SOX4: variants seen among roughly 807,000 people sequenced by gnomAD.
The protein encoded by SOX4 is SRY-box transcription factor 4.
For synonymous variants in SOX4, 465 were observed against 348.4 expected (o/e 1.33, Z -3.73); for missense variants, 662 against 694.9 (o/e 0.95, Z 0.53).
rs917458855 is a variant in SOX4 at position 21,598,611 on chromosome 6, A to T, written c.*2652A>T. On this transcript the variant is annotated 3_prime_UTR_variant, in exon 1 of 1. Transcript: ENST00000244745. ...AAGGAAATAAAATCAGCTGGAACTG[A>T]ACCCTAAATCTTGACTTTTGTCGTT... 3.0e-5 allele frequency: 5 copies of T among 166,590 alleles called. No individual in the cohort carries two copies. Among genetic ancestry groups the T allele is most frequent in the Non-Finnish European group, 5.9e-5 (4 of 68,114 alleles). 10.3% of individuals were successfully genotyped at this position (166,590 alleles called of 1,614,324 possible). A position where few individuals can be genotyped will look rare whatever the true frequency, so the allele number is the denominator to read the frequency against.
Position 21,595,278 on chromosome 6 carries a change from G to C in SOX4, c.744G>C (p.Leu248=), listed in dbSNP as rs750549025. Residue 248 remains leucine (L), a synonymous_variant, in exon 1 of 1, where the codon CTG becomes CTC. Transcript: ENST00000244745. ...AACAGGCGGGGGCCGCCGCCCTGCTGCCCCTGGGCGCCGCCGCCGACCACC... is the reference window on the plus strand; with the variant it reads ...AACAGGCGGGGGCCGCCGCCCTGCTCCCCCTGGGCGCCGCCGCCGACCACC... ...AAEQAGAAAL[L]PLGAAADHHS... 120 of 1,397,096 alleles carry C rather than the reference G, an allele frequency of 8.6e-5. No homozygotes were observed. Among genetic ancestry groups the C allele is most frequent in the South Asian group, 2.2e-4 (15 of 67,078 alleles). The allele number at this position is 1,397,096 out of a possible 1,614,324, so 86.5% of individuals were successfully genotyped here. A position where few individuals can be genotyped will look rare whatever the true frequency, so the allele number is the denominator to read the frequency against.
rs777317963 is a variant in SOX4 at position 21,594,549 on chromosome 6, C to G, written c.15C>G (p.Thr5=). 192 of 1,601,906 alleles carry G rather than the reference C, an allele frequency of 1.2e-4. No individual in the cohort carries two copies. The highest frequency in any genetic ancestry group is 1.5e-4 in the Non-Finnish European group (177 of 1,176,712). Residue 5 remains threonine (T), a synonymous_variant, in exon 1 of 1, where the codon ACC becomes ACG. Coordinates refer to ENST00000244745, the MANE Select transcript of SOX4 (RefSeq NM_003107.3). The part of the protein sequence containing the change: MVQQ[T]NNAENTEALL... Reference sequence around the variant, plus strand: ...GAGCCGAGGCCATGGTGCAGCAAACCAACAATGCCGAGAACACGGAAGCGC... The same window carrying G: ...GAGCCGAGGCCATGGTGCAGCAAACGAACAATGCCGAGAACACGGAAGCGC...
chr6:21,596,081 T>TA lies in SOX4; in HGVS notation c.*124dup. The TA allele has an allele frequency of 7.4e-7, 1 of 1,355,240 alleles. No individual in the cohort carries two copies. The highest frequency in any genetic ancestry group is 1.5e-5 in the African/African-American group (1 of 65,158). The allele number at this position is 1,355,240 out of a possible 1,614,324, so 84.0% of individuals were successfully genotyped here. ...GAAAAGGGAAAAAAGAAAGAAAAAG[T>TA]AAGCAGGGCTGGCTTCGCCCGCGTT... is the stretch of plus-strand genomic sequence containing the variant. On this transcript the variant is annotated 3_prime_UTR_variant, in exon 1 of 1. Coordinates refer to ENST00000244745, the MANE Select transcript of SOX4 (RefSeq NM_003107.3).
At position 21,596,157 on chromosome 6, in the gene SOX4, C is replaced by T; in HGVS notation, c.*198C>T. 2.4e-6 allele frequency: 2 copies of T among 840,054 alleles called. No homozygotes were observed. Among genetic ancestry groups the T allele is most frequent in the Non-Finnish European group, 3.4e-6 (2 of 592,600 alleles). 52.0% of individuals were successfully genotyped at this position (840,054 alleles called of 1,614,324 possible). On this transcript the variant is annotated 3_prime_UTR_variant, in exon 1 of 1. Coordinates refer to ENST00000244745, the MANE Select transcript of SOX4 (RefSeq NM_003107.3). ...CGGCGTTTTGGACCCGCGCTCCCAT[C>T]CCCCACCTTCCCGGGCCGGGGACCC... is the stretch of plus-strand genomic sequence containing the variant.
chr6:21,595,006 G>A lies in SOX4; in HGVS notation c.472G>A (p.Val158Ile), dbSNP rs757472842. Residue 158 changes from valine (V) to isoleucine (I), a missense_variant, in exon 1 of 1, where the codon GTC becomes ATC. Transcript: ENST00000244745. ...SSKPGEKGDK[V>I]GGSGGGGHGG... ...CAAGCCGGGGGAGAAGGGAGACAAG[G>A]TCGGTGGCAGTGGCGGGGGCGGCCA... 3.3e-6 allele frequency: 5 copies of A among 1,529,808 alleles called. No homozygotes were observed. The highest frequency in any genetic ancestry group is 4.4e-6 in the Non-Finnish European group (5 of 1,140,260). 94.8% of individuals were successfully genotyped at this position (1,529,808 alleles called of 1,614,324 possible).
At position 21,598,061 on chromosome 6, in the gene SOX4, C is replaced by CTT. The variant is rs898053220; in HGVS notation, c.*2108_*2109dup. ...ACTTGTAAACCACATCTTTTTTGCA[C>CTT]TTTTTTTATAAGCAAAAACGTGCCG... is the stretch of plus-strand genomic sequence containing the variant. On this transcript the variant is annotated 3_prime_UTR_variant, in exon 1 of 1. Transcript: ENST00000244745. 6.0e-6 allele frequency: 1 copy of CTT among 167,040 alleles called. No individual in the cohort carries two copies. The highest frequency in any genetic ancestry group is 2.4e-5 in the African/African-American group (1 of 41,454). 10.3% of individuals were successfully genotyped at this position (167,040 alleles called of 1,614,324 possible). A position where few individuals can be genotyped will look rare whatever the true frequency, so the allele number is the denominator to read the frequency against.
At position 21,597,066 on chromosome 6, in the gene SOX4, T is replaced by C. The variant is rs966103446; in HGVS notation, c.*1107T>C. On this transcript the variant is annotated 3_prime_UTR_variant, in exon 1 of 1. Coordinates refer to ENST00000244745, the MANE Select transcript of SOX4 (RefSeq NM_003107.3). The stretch of plus-strand genomic sequence containing the variant: ...GATTATTTCAATGGTGGGGTTAATA[T>C]AGCATGTTATCCTGTCTATCTTTTA... 3 of 166,904 alleles carry C rather than the reference T, an allele frequency of 1.8e-5. No homozygotes were observed. Among genetic ancestry groups the C allele is most frequent in the Non-Finnish European group, 4.4e-5 (3 of 68,110 alleles). The allele number at this position is 166,904 out of a possible 1,614,324, so 10.3% of individuals were successfully genotyped here.
chr6:21,595,791 G>A lies in SOX4; in HGVS notation c.1257G>A (p.Leu419=). The A allele has an allele frequency of 6.2e-7, 1 of 1,613,574 alleles. No individual in the cohort carries two copies. The highest frequency in any genetic ancestry group is 2.2e-5 in the East Asian group (1 of 44,850). Residue 419 remains leucine, a synonymous_variant, in exon 1 of 1, where the codon CTG becomes CTA. Transcript: ENST00000244745. The part of the protein sequence containing the change: ...NPSSNFESMS[L]GSFSSSSALD... ...GCTCAAACTTTGAGAGCATGTCCCTGGGCAGCTTCAGTTCGTCGTCGGCGC... is the reference window on the plus strand; with the variant it reads ...GCTCAAACTTTGAGAGCATGTCCCTAGGCAGCTTCAGTTCGTCGTCGGCGC...
In SOX4 at chr6:21,594,457, G is replaced by A. The variant is rs541346709; in HGVS notation, c.-78G>A. 610 of 1,344,362 alleles carry A rather than the reference G, an allele frequency of 4.5e-4. 2 individuals carry two copies. The African/African-American group carries it at 8.1e-3, about 18-fold the overall frequency. 83.3% of individuals were successfully genotyped at this position (1,344,362 alleles called of 1,614,324 possible). ...CCGTTCGGCGTGTGCTTGGCCCGGGGAACCGGGAGGGCCCGGCGATCGCGC... is the reference window on the plus strand; with the variant it reads ...CCGTTCGGCGTGTGCTTGGCCCGGGAAACCGGGAGGGCCCGGCGATCGCGC... On this transcript the variant is annotated 5_prime_UTR_variant, in exon 1 of 1. Transcript: ENST00000244745.
Position 21,595,381 on chromosome 6 carries a change from G to A in SOX4, c.847G>A (p.Ala283Thr). The A allele has an allele frequency of 6.5e-7, 1 of 1,537,192 alleles. No homozygotes were observed. Among genetic ancestry groups the A allele is most frequent in the African/African-American group, 1.4e-5 (1 of 70,104 alleles). The change falls in exon 1 of 1, where the codon GCC becomes ACC. Residue 283 changes from alanine (A) to threonine (T), a missense_variant. By Grantham distance (58) the Ala-to-Thr change is moderately conservative (BLOSUM62 0). Transcript: ENST00000244745. Reference protein sequence around the residue: ...SAASASAALAAPGKHLAEKKV... With the variant: ...SAASASAALATPGKHLAEKKV... The stretch of plus-strand genomic sequence containing the variant: ...AGCCTCGGCCTCCGCAGCGCTCGCG[G>A]CCCCGGGCAAGCACCTGGCGGAGAA...
At position 21,595,464 on chromosome 6, in the gene SOX4, C is replaced by CGGCGTG. The variant is rs2113558247; in HGVS notation, c.935_940dup (p.Val312_Gly313dup). On this transcript the variant is annotated inframe_insertion, in exon 1 of 1. Coordinates refer to ENST00000244745, the MANE Select transcript of SOX4 (RefSeq NM_003107.3). Reference sequence around the variant, plus strand: ...TGGGCACGTCGTCGTCGCCCGTGGGCGGCGTGGGCGCGGGAGCCGACCCCA... The same window carrying CGGCGTG: ...TGGGCACGTCGTCGTCGCCCGTGGGCGGCGTGGGCGTGGGCGCGGGAGCCGACCCCA... 2.0e-6 allele frequency: 3 copies of CGGCGTG among 1,464,690 alleles called. No individual in the cohort carries two copies. The East Asian group carries it at 8.4e-5, about 41-fold the overall frequency. 90.7% of individuals were successfully genotyped at this position (1,464,690 alleles called of 1,614,324 possible).
rs1356643845 is a variant in SOX4 at position 21,597,527 on chromosome 6, T to C, written c.*1568T>C. The stretch of plus-strand genomic sequence containing the variant: ...CCTTTTTTTCTTTTTTTTTTCTTTT[T>C]TTTTTTTTTTTTTTGGTAGTTGTTG... On this transcript the variant is annotated 3_prime_UTR_variant, in exon 1 of 1. Transcript: ENST00000244745. 5 of 101,414 alleles carry C rather than the reference T, an allele frequency of 4.9e-5. No individual in the cohort carries two copies. The highest frequency in any genetic ancestry group is 1.1e-4 in the Admixed American group (1 of 9,138). The allele number at this position is 101,414 out of a possible 1,614,324, so 6.3% of individuals were successfully genotyped here.
In SOX4 at chr6:21,594,456, G is replaced by A; in HGVS notation, c.-79G>A. ...CCCGTTCGGCGTGTGCTTGGCCCGG[G>A]GAACCGGGAGGGCCCGGCGATCGCG... On this transcript the variant is annotated 5_prime_UTR_variant, in exon 1 of 1. Transcript: ENST00000244745. 1 of 1,341,960 alleles carries A rather than the reference G, an allele frequency of 7.5e-7. No homozygotes were observed. Among genetic ancestry groups the A allele is most frequent in the Non-Finnish European group, 9.5e-7 (1 of 1,055,082 alleles). The allele number at this position is 1,341,960 out of a possible 1,614,324, so 83.1% of individuals were successfully genotyped here.
Position 21,596,778 on chromosome 6 carries a change from G to A in SOX4, c.*819G>A, listed in dbSNP as rs914451582. On this transcript the variant is annotated 3_prime_UTR_variant, in exon 1 of 1. Transcript: ENST00000244745. ...GGCGGAGGAGGACACGAACTGGAAG[G>A]GGGTTCACGGTCAAACTGAAATGGA... is the stretch of plus-strand genomic sequence containing the variant. 1.8e-5 allele frequency: 3 copies of A among 167,028 alleles called. No homozygotes were observed. The highest frequency in any genetic ancestry group is 1.3e-4 in the Admixed American group (2 of 15,272). The allele number at this position is 167,028 out of a possible 1,614,324, so 10.3% of individuals were successfully genotyped here.
In SOX4 at chr6:21,596,306, G is replaced by A. The variant is rs1294521557; in HGVS notation, c.*347G>A. On this transcript the variant is annotated 3_prime_UTR_variant, in exon 1 of 1. Coordinates refer to ENST00000244745, the MANE Select transcript of SOX4 (RefSeq NM_003107.3). ...AGCGACTTCGAGTTTGCTCCCCTTT[G>A]CTTGAAGAGACCCCCTCCCCCTTCC... 1.5e-5 allele frequency: 3 copies of A among 194,918 alleles called. No individual in the cohort carries two copies. Among genetic ancestry groups the A allele is most frequent in the African/African-American group, 7.1e-5 (3 of 42,284 alleles). The allele number at this position is 194,918 out of a possible 1,614,324, so 12.1% of individuals were successfully genotyped here. A position where few individuals can be genotyped will look rare whatever the true frequency, so the allele number is the denominator to read the frequency against.
In SOX4 at chr6:21,595,594, T is replaced by G; in HGVS notation, c.1060T>G (p.Ser354Ala). The change falls in exon 1 of 1, where the codon TCG (serine) becomes GCG (alanine). Residue 354 changes from serine to alanine, a missense_variant. Physicochemically the swap from Ser to Ala is moderately conservative, Grantham distance 99. Transcript: ENST00000244745. ...CGCCTCGTCCCCCGCCGCCGGCCGC[T>G]CGCCCGCCGACCACCGCGGCTACGC... ...SAASSPAAGR[S>A]PADHRGYASL... 1 of 1,212,402 alleles carries G rather than the reference T, an allele frequency of 8.2e-7. No individual in the cohort carries two copies. Among genetic ancestry groups the G allele is most frequent in the Non-Finnish European group, 1.0e-6 (1 of 978,246 alleles). The allele number at this position is 1,212,402 out of a possible 1,614,324, so 75.1% of individuals were successfully genotyped here.
In SOX4 at chr6:21,598,037, CTT is replaced by C. The variant is rs1364702964; in HGVS notation, c.*2079_*2080del. 3.6e-5 allele frequency: 6 copies of C among 167,222 alleles called. No individual in the cohort carries two copies. The South Asian group carries it at 1.2e-3, about 35-fold the overall frequency. 10.4% of individuals were successfully genotyped at this position (167,222 alleles called of 1,614,324 possible). A position where few individuals can be genotyped will look rare whatever the true frequency, so the allele number is the denominator to read the frequency against. On this transcript the variant is annotated 3_prime_UTR_variant, in exon 1 of 1. Coordinates refer to ENST00000244745, the MANE Select transcript of SOX4 (RefSeq NM_003107.3). The stretch of plus-strand genomic sequence containing the variant: ...GCAAAAAGGGATTCTGTAGCTTTAA[CTT>C]GTAAACCACATCTTTTTTGCACTTT...
Position 21,594,771 on chromosome 6 carries a change from G to A in SOX4, c.237G>A (p.Glu79=), listed in dbSNP as rs773518535. The A allele has an allele frequency of 1.2e-6, 2 of 1,602,012 alleles. No individual in the cohort carries two copies. The highest frequency in any genetic ancestry group is 8.5e-7 in the Non-Finnish European group (1 of 1,174,478). Residue 79 remains glutamate (E), a synonymous_variant, in exon 1 of 1, where the codon GAG becomes GAA. Coordinates refer to ENST00000244745, the MANE Select transcript of SOX4 (RefSeq NM_003107.3). ...WSQIERRKIM[E]QSPDMHNAEI... is the part of the protein sequence containing the mutation. ...AGATCGAGCGGCGCAAGATCATGGA[G>A]CAGTCGCCCGACATGCACAACGCCG...
Position 21,596,159 on chromosome 6 carries a change from C to T in SOX4, c.*200C>T, listed in dbSNP as rs1763150263. ...GCGTTTTGGACCCGCGCTCCCATCC[C>T]CCACCTTCCCGGGCCGGGGACCCAC... On this transcript the variant is annotated 3_prime_UTR_variant, in exon 1 of 1. Transcript: ENST00000244745. The T allele has an allele frequency of 1.2e-6, 1 of 842,956 alleles. No individual in the cohort carries two copies. The highest frequency in any genetic ancestry group is 1.7e-6 in the Non-Finnish European group (1 of 594,990). 52.2% of individuals were successfully genotyped at this position (842,956 alleles called of 1,614,324 possible).
Sources: gnomAD v4.1 joint callset for allele counts on GRCh38, gnomAD v4.1.1 for gene constraint, MANE v1.5 for transcripts, NCBI Gene and HGNC (gene_info 2026-07-23, HGNC 2026-07-21) for gene names.